ATG2B: variants seen among roughly 807,000 people sequenced by gnomAD.
ATG2B encodes the protein autophagy related 2B.
Under a neutral mutation model 241.3 loss-of-function variants are expected in ATG2B, and 121 were observed. The observed-to-expected ratio is 0.50, with a 90% CI of 0.43 to 0.58. The LOEUF (loss-of-function observed/expected upper bound fraction) is 0.58. ATG2B is among the 20% of genes least tolerant of loss of function. The pLI, the probability that ATG2B is intolerant of heterozygous loss-of-function variation, is 0.00. For synonymous variants in ATG2B, 858 were observed against 876.6 expected, an observed-to-expected ratio of 0.98 and a Z score of 0.37; for missense variants, 2,306 against 2,491.6, an observed-to-expected ratio of 0.93 and a Z score of 1.59.
chr14:96,324,255 C>A, intron 15 of ATG2B: 1 of 382,762 alleles, frequency 2.6e-6, no homozygotes, highest in Non-Finnish European at 4.6e-6. Flanking sequence ...GTAAATAGAG[C>A]AAGCACTTAC....
At chr14:96,326,482 G>A (rs1458399784) in intron 14 of ATG2B, among the ~76,000 whole-genome samples, 8 of 151,838 alleles carry the variant, frequency 5.3e-5, no homozygotes, top group Non-Finnish European at 4.4e-5. Context: ...CCAATCCAAG[G>A]GTATGATCTC....
In ATG2B at chr14:96,343,285, A is replaced by G. The variant is rs1460016927; in HGVS notation, c.582-4T>C. 1 of 1,555,392 alleles carries G rather than the reference A, an allele frequency of 6.4e-7. No homozygotes were observed. Among genetic ancestry groups the G allele is most frequent in the Non-Finnish European group, 8.7e-7 (1 of 1,151,400 alleles). On this transcript the variant is annotated splice_polypyrimidine_tract_variant and splice_region_variant and intron_variant, in intron 4 of 41. Coordinates refer to ENST00000359933, the MANE Select transcript of ATG2B (RefSeq NM_018036.7). ...AGTTTCATCACAGTACACAGTTCTGAAATTTTTTTAAAAAGCATTTACAAA... is the reference window on the plus strand; with the variant it reads ...AGTTTCATCACAGTACACAGTTCTGGAATTTTTTTAAAAAGCATTTACAAA...
chr14:96,298,866 A>G (rs1242007447), intron 34 of ATG2B, among the ~76,000 whole-genome samples: 7 of 152,202 alleles, frequency 4.6e-5, no homozygotes, highest in African/African-American at 1.7e-4. Flanking sequence ...CCTCCATTGA[A>G]CACTTAAAAG....
At chr14:96,357,287 A>T (rs1888502266) in intron 1 of ATG2B, among the ~76,000 whole-genome samples, 1 of 152,106 alleles carries the variant, frequency 6.6e-6, no homozygotes, top group Non-Finnish European at 1.5e-5. Flanking sequence ...GTTGGAGTTC[A>T]TCTAAGTTTC....
chr14:96,291,577 C>T (rs1886484423), intron 38 of ATG2B, 23 bp downstream of exon 38: 1 of 1,554,306 alleles, frequency 6.4e-7, no homozygotes, highest in African/African-American at 1.4e-5. Context: ...TCACTTAAAG[C>T]TTCATATAAT....
chr14:96,356,103 G>A (rs1011865717), intron 1 of ATG2B, among the ~76,000 whole-genome samples: 11 of 151,740 alleles, frequency 7.2e-5, no homozygotes, highest in Middle Eastern at 3.4e-3. Flanking sequence ...CCCGGGAGGC[G>A]GAGCTTGCAG....
At chr14:96,326,006 T>C in intron 14 of ATG2B, 84 bp from the exon 15 acceptor site, 1 of 1,296,844 alleles carries the variant, frequency 7.7e-7, no homozygotes, top group Non-Finnish European at 1.1e-6. Flanking sequence ...ACAATATGTA[T>C]AATCACTATC....
intron 41 of ATG2B, among the ~76,000 whole-genome samples, chr14:96,288,198 TG>T: frequency 6.6e-6 from 1 of 152,316 alleles, no homozygotes; most frequent in Admixed American, 6.5e-5. Flanking sequence ...CCCTTTTCTC[TG>T]TGGTACTTGG....
In ATG2B at chr14:96,303,044, A is replaced by T; in HGVS notation, c.5037+17T>A. 6.8e-7 allele frequency: 1 copy of T among 1,478,878 alleles called. No individual in the cohort carries two copies. The highest frequency in any genetic ancestry group is 9.0e-7 in the Non-Finnish European group (1 of 1,105,498). The allele number at this position is 1,478,878 out of a possible 1,614,324, so 91.6% of individuals were successfully genotyped here. ...TTTCCAAAACTAACATAACACAACG[A>T]TGAGGTTAACTCTTACCATGTTGGA... is the stretch of plus-strand genomic sequence containing the variant. On this transcript the variant is annotated intron_variant, in intron 33 of 41. Coordinates refer to ENST00000359933, the MANE Select transcript of ATG2B (RefSeq NM_018036.7).
At chr14:96,305,549 T>C (rs553155219) in intron 31 of ATG2B, 40 bp downstream of exon 31, 3 of 1,360,744 alleles carry the variant, frequency 2.2e-6, no homozygotes, top group African/African-American at 1.5e-5. Context: ...GAAAAGAATA[T>C]ATTGGCCTCC....
intron 3 of ATG2B, 55 bp from the exon 4 acceptor site, chr14:96,344,811 A>G: frequency 5.5e-6 from 4 of 732,774 alleles, no homozygotes; most frequent in Non-Finnish European, 8.5e-6. Context: ...CTAAATAAAA[A>G]CCTCCAAAGA....
rs1291709505 is a variant in ATG2B, at chr14:96,316,670, T to C, written c.3224A>G (p.Asp1075Gly). The C allele has an allele frequency of 6.2e-7, 1 of 1,605,110 alleles. No homozygotes were observed. The highest frequency in any genetic ancestry group is 1.3e-5 in the African/African-American group (1 of 74,498). Reference protein sequence around the residue: ...VFTDVKQDNGDLLENKHGEFW... With the variant: ...VFTDVKQDNGGLLENKHGEFW... Reference sequence around the variant, plus strand: ...TTCACCATGCTTGTTTTCCAACAGATCTCCATTATCTTGCTAGTAAAAAGA... The same window carrying C: ...TTCACCATGCTTGTTTTCCAACAGACCTCCATTATCTTGCTAGTAAAAAGA... The change falls in exon 21 of 42, where the codon GAT (aspartate) becomes GGT (glycine). Residue 1075 changes from aspartate (D) to glycine (G), a missense_variant. Physicochemically the swap from Asp to Gly is moderately conservative, Grantham distance 94 (BLOSUM62 -1). Coordinates refer to ENST00000359933, the MANE Select transcript of ATG2B (RefSeq NM_018036.7).
At chr14:96,303,945 T>A (rs1052888905) in intron 32 of ATG2B, among the ~76,000 whole-genome samples, 5 of 152,204 alleles carry the variant, frequency 3.3e-5, no homozygotes, top group African/African-American at 1.2e-4. Context: ...ACAGATATGA[T>A]TAAATACAGG....
intron 27 of ATG2B, 84 bp downstream of exon 27, chr14:96,311,458 A>T: frequency 7.9e-7 from 1 of 1,271,110 alleles, no homozygotes; most frequent in Non-Finnish European, 1.1e-6. Flanking sequence ...GACCAAAATT[A>T]GGTACACGGA....
chr14:96,308,252 A>G (rs1290676789), intron 29 of ATG2B, among the ~76,000 whole-genome samples: 20 of 12,646 alleles, frequency 1.6e-3, no homozygotes, highest in Non-Finnish European at 3.4e-3. Flanking sequence ...ATATATATAT[A>G]CACACATATA....
At chr14:96,331,720 G>T in intron 10 of ATG2B, 83 bp from the exon 11 acceptor site, 1 of 1,122,640 alleles carries the variant, frequency 8.9e-7, no homozygotes, top group South Asian at 1.7e-5. Flanking sequence ...TCATTTATTA[G>T]CTTTAAAAAA....
In ATG2B at chr14:96,315,134, A is replaced by G. The variant is rs770860794; in HGVS notation, c.3642+20T>C. ...CACAAATTTTTAAATAAATTAATAC[A>G]TATATAACAGCTCTCTTACCTGCTC... On this transcript the variant is annotated intron_variant, in intron 23 of 41. Transcript: ENST00000359933. The G allele has an allele frequency of 6.3e-7, 1 of 1,589,120 alleles. No homozygotes were observed. Among genetic ancestry groups the G allele is most frequent in the Non-Finnish European group, 8.6e-7 (1 of 1,159,368 alleles).
Position 96,313,420 on chromosome 14 carries a change from T to G in ATG2B, c.3658A>C (p.Asn1220His), listed in dbSNP as rs1181975344. The change falls in exon 24 of 42, where the codon AAT becomes CAT. Residue 1220 changes from asparagine (N) to histidine (H), a missense_variant. Physicochemically the swap from Asn to His is moderately conservative, Grantham distance 68 (BLOSUM62 1). This residue lies in a region of ATG2B where 1,927 missense variants were observed against 2,011.2 expected (regional missense o/e 0.96). Coordinates refer to ENST00000359933, the MANE Select transcript of ATG2B (RefSeq NM_018036.7). ...SWHEQILYFL[N>H]IADEPVLGYN... Reference sequence around the variant, plus strand: ...CCCAAAACAGGTTCATCAGCAATATTCAAGAAGTATAAAATCTATAATCAC... The same window carrying G: ...CCCAAAACAGGTTCATCAGCAATATGCAAGAAGTATAAAATCTATAATCAC... 1.3e-6 allele frequency: 2 copies of G among 1,564,660 alleles called. No individual in the cohort carries two copies. Among genetic ancestry groups the G allele is most frequent in the African/African-American group, 2.8e-5 (2 of 72,368 alleles).
At chr14:96,356,470 TATC>T (rs1269509805) in intron 1 of ATG2B, among the ~76,000 whole-genome samples, 2 of 152,040 alleles carry the variant, frequency 1.3e-5, no homozygotes, top group Admixed American at 6.5e-5. Context: ...TGTGTTAACA[TATC>T]ATAATTTTTT....
Sources: gnomAD v4.1 joint callset for allele counts (sites outside exome capture counted in the v4.1 genomes callset) on GRCh38, gnomAD v4.1.1 for gene constraint, gnomAD v4.1.1 regional missense constraint, MANE v1.5 for transcripts, NCBI Gene and HGNC (gene_info 2026-07-23, HGNC 2026-07-21) for gene names.